Variants in DNAH17 observed in about 807,000 individuals in gnomAD.
DNAH17 encodes dynein axonemal heavy chain 17, also known as axonemal beta dynein heavy chain 17.
A neutral mutation model predicts 485.6 loss-of-function variants in DNAH17; 376 were observed. That is an observed-to-expected ratio of 0.77 (90% CI 0.71 to 0.84). DNAH17 has a LOEUF of 0.84. Among genes scored for constraint, DNAH17 ranks in the 40% least tolerant of loss-of-function variants. The probability of loss-of-function intolerance (pLI) is 0.00; values close to 1 mark genes in which losing one functional copy is unlikely to be tolerated. For missense variants in DNAH17, 6,370 were observed against 5,839.3 expected, an observed-to-expected ratio of 1.09 and a Z score of -2.96; for synonymous variants, 3,031 against 2,405.9, an observed-to-expected ratio of 1.26 and a Z score of -7.60.
rs1296816083 is a variant in DNAH17 at position 78,494,176 on chromosome 17, G to A, written c.6271-3C>T. ...TCCACGATGCTCTGCTTGATGATCT[G>A]GGGAGACATGGATGAGGCTGGGTGA... On this transcript the variant is annotated splice_polypyrimidine_tract_variant and splice_region_variant and intron_variant, in intron 40 of 80. Transcript: ENST00000389840. 4 of 1,608,138 alleles carry A rather than the reference G, an allele frequency of 2.5e-6. No individual in the cohort carries two copies. Among genetic ancestry groups the A allele is most frequent in the Admixed American group, 1.7e-5 (1 of 59,886 alleles).
chr17:78,472,859 G>A (rs2088829019), intron 54 of DNAH17: 1 of 397,898 alleles, frequency 2.5e-6, no homozygotes, highest in Non-Finnish European at 5.2e-6. Flanking sequence ...CAGTTTCTGT[G>A]CTTTCAAACT....
Position 78,507,355 on chromosome 17 carries a change from A to G in DNAH17, c.4599T>C (p.Asp1533=), listed in dbSNP as rs2146744966. 1 of 1,614,004 alleles carries G rather than the reference A, an allele frequency of 6.2e-7. No individual in the cohort carries two copies. The highest frequency in any genetic ancestry group is 2.2e-5 in the East Asian group (1 of 44,880). Residue 1533 remains aspartate, a synonymous_variant, in exon 29 of 81, where the codon GAT becomes GAC. Transcript: ENST00000389840. ...INQEFKALME[D]AVKTPNVVEA... is the part of the protein sequence containing the mutation. ...CCACCACGTTGGGTGTTTTCACTGC[A>G]TCTTCCATCAAGGCCTGGGAAGAGA...
At chr17:78,450,139 C>T in intron 68 of DNAH17, 115 bp downstream of exon 68, 1 of 1,291,368 alleles carries the variant, frequency 7.7e-7, no homozygotes, top group Non-Finnish European at 1.1e-6. Context: ...CCAGGTCTGC[C>T]CTCTGAGGGT....
rs754186265 is a variant in DNAH17, at chr17:78,459,847, A to G, written c.9590T>C (p.Phe3197Ser). ...GTCGAACTTCTTCAGGGAGTCTAGG[A>G]AGGTGTCCACCTTGCCCATCATGAT... ...AKIMMGKVDTFLDSLKKFDKE... is the reference protein window; with the variant it reads ...AKIMMGKVDTSLDSLKKFDKE... The change falls in exon 60 of 81, where the codon TTC (phenylalanine) becomes TCC (serine). Residue 3197 changes from phenylalanine (F) to serine (S), a missense_variant. Physicochemically the swap from Phe to Ser is radical, Grantham distance 155. Coordinates refer to ENST00000389840, the MANE Select transcript of DNAH17 (RefSeq NM_173628.4). 2 of 1,613,846 alleles carry G rather than the reference A, an allele frequency of 1.2e-6. No homozygotes were observed. The highest frequency in any genetic ancestry group is 1.7e-5 in the Admixed American group (1 of 60,004).
intron 16 of DNAH17, 25 bp from the exon 17 acceptor site, chr17:78,544,022 A>G: frequency 6.2e-7 from 1 of 1,613,538 alleles, no homozygotes; most frequent in South Asian, 1.1e-5. Context: ...CAGGAGTGAG[A>G]AAAGGTGTTC....
chr17:78,432,380 C>A (rs1235857974), intron 75 of DNAH17, among the ~76,000 whole-genome samples: 1 of 19,446 alleles, frequency 5.1e-5, no homozygotes, highest in Non-Finnish European at 1.2e-4. Context: ...CACCCTGCCC[C>A]ATCGACCGGC....
At chr17:78,509,483 G>A (rs1453612365) in intron 27 of DNAH17, among the ~76,000 whole-genome samples, 3 of 152,094 alleles carry the variant, frequency 2.0e-5, no homozygotes, top group Non-Finnish European at 2.9e-5. Context: ...TTAAACAGGC[G>A]AACTGTATGG....
In DNAH17 at chr17:78,573,597, CA is replaced by C. The variant is rs112944174; in HGVS notation, c.346-704del. 4.0e-3 allele frequency among the ~76,000 whole-genome samples: 476 copies of C among 119,402 alleles called. 3 individuals are homozygous for C. The highest frequency in any genetic ancestry group is 9.8e-3 in the Middle Eastern group (2 of 204). The allele number at this position is 119,402 out of a possible 152,430, so 78.3% of individuals were successfully genotyped here. A position where few individuals can be genotyped will look rare whatever the true frequency, so the allele number is the denominator to read the frequency against. On this transcript the variant is annotated intron_variant, in intron 2 of 80. Transcript: ENST00000389840. ...CTGGACAACAGAGCAAAAATACTGT[CA>C]AAAAAAAAAAAAAAGAGGTGAGTAA...
At chr17:78,492,854 G>GTTTTT in intron 41 of DNAH17, 89 bp from the exon 42 acceptor site, 2 of 431,128 alleles carry the variant, frequency 4.6e-6, no homozygotes, top group Non-Finnish European at 6.0e-6. Context: ...GGGCCTGGAT[G>GTTTTT]GTTTTTTTTT....
In DNAH17 at chr17:78,484,990, G is replaced by T. The variant is rs574943926; in HGVS notation, c.7527C>A (p.Tyr2509Ter). The T allele has an allele frequency of 6.2e-7, 1 of 1,613,304 alleles. No individual in the cohort carries two copies. The highest frequency in any genetic ancestry group is 1.1e-5 in the South Asian group (1 of 90,960). The part of the protein sequence containing the change: ...KPLEKKSGRN[Y>*]GPPGTKKLVY... ...CGAGCTTCTTAGTGCCTGGCGGCCCGTAGTTCCTCCCCGATTTCTTCTCCA... is the reference window on the plus strand; with the variant it reads ...CGAGCTTCTTAGTGCCTGGCGGCCCTTAGTTCCTCCCCGATTTCTTCTCCA... Residue 2509 changes from tyrosine to a stop codon, truncating the protein, a stop_gained, in exon 48 of 81, where the codon TAC becomes TAA. Coordinates refer to ENST00000389840, the MANE Select transcript of DNAH17 (RefSeq NM_173628.4). LOFTEE classifies it high-confidence loss of function.
chr17:78,571,862 G>A (rs2092363521), intron 3 of DNAH17, 80 bp from the exon 4 acceptor site: 24 of 1,380,140 alleles, frequency 1.7e-5, no homozygotes, highest in East Asian at 1.2e-4. Context: ...GAATCCTTCT[G>A]CCCACCAATC....
chr17:78,485,908 C>G lies in DNAH17; in HGVS notation c.7275+52G>C, dbSNP rs113582926. On this transcript the variant is annotated intron_variant, in intron 46 of 80. Coordinates refer to ENST00000389840, the MANE Select transcript of DNAH17 (RefSeq NM_173628.4). ...TGCAGGCGTGTGGAGGGTACTGCAC[C>G]GATTCCTGCCTCTAAATCACCAGTC... 34 of 1,593,900 alleles carry G rather than the reference C, an allele frequency of 2.1e-5. 1 individual carries two copies. Among genetic ancestry groups the G allele is most frequent in the African/African-American group, 1.2e-4 (9 of 74,702 alleles).
intron 44 of DNAH17, 42 bp downstream of exon 44, chr17:78,490,656 TC>T: frequency 1.3e-6 from 2 of 1,568,916 alleles, no homozygotes; most frequent in South Asian, 1.2e-5. Context: ...AGTTCGTTTT[TC>T]CCTGCCGAGG....
At position 78,570,286 on chromosome 17, in the gene DNAH17, G is replaced by T. The variant is rs556322910; in HGVS notation, c.1005C>A (p.Ile335=). The T allele has an allele frequency of 4.4e-6, 7 of 1,597,702 alleles. No individual in the cohort carries two copies. Among genetic ancestry groups the T allele is most frequent in the South Asian group, 1.1e-5 (1 of 87,832 alleles). The part of the protein sequence containing the change: ...SEYYNTPARI[I]VILQEFCNQI... ...GGTTGCAGAACTCCTGCAGGATGAC[G>T]ATGATCCTGGCAGGTGTGTTATAGT... Residue 335 remains isoleucine (I), a synonymous_variant, in exon 7 of 81, where the codon ATC becomes ATA. Transcript: ENST00000389840.
At chr17:78,563,836 A>G (rs534481257) in intron 11 of DNAH17, among the ~76,000 whole-genome samples, 1 of 152,220 alleles carries the variant, frequency 6.6e-6, no homozygotes, top group East Asian at 1.9e-4. Context: ...AACCAGGGGG[A>G]AAATGTTCTT....
At chr17:78,491,352 A>T (rs962927759) in intron 43 of DNAH17, 91 bp downstream of exon 43, 8 of 1,507,294 alleles carry the variant, frequency 5.3e-6, no homozygotes, top group Non-Finnish European at 7.1e-6. Flanking sequence ...CCTGGCATGC[A>T]GGGCCTGAGT....
At chr17:78,516,656 C>G (rs1271353903) in intron 25 of DNAH17, among the ~76,000 whole-genome samples, 2 of 146,616 alleles carry the variant, frequency 1.4e-5, no homozygotes, top group Non-Finnish European at 3.0e-5. Context: ...CATCACTGCA[C>G]TCCAGCCTGG....
chr17:78,425,764 T>C (rs1325694373), intron 79 of DNAH17, among the ~76,000 whole-genome samples, 193 bp from the exon 80 acceptor site: 1 of 13,542 alleles, frequency 7.4e-5, no homozygotes, highest in African/African-American at 1.4e-4. Context: ...TGCTTTTTTT[T>C]TTTTTTTTTT....
chr17:78,429,602 C>T (rs756127484), intron 75 of DNAH17, among the ~76,000 whole-genome samples: 13 of 152,232 alleles, frequency 8.5e-5, no homozygotes, highest in Non-Finnish European at 1.8e-4. Context: ...CTGCACCTCC[C>T]GTGGGGCAGG....
Sources: allele counts gnomAD v4.1 joint callset (sites outside exome capture counted in the v4.1 genomes callset), GRCh38; gene constraint gnomAD v4.1.1; transcripts MANE v1.5; gene names NCBI Gene and HGNC (gene_info 2026-07-23, HGNC 2026-07-21).